The following SCMH1 variants were observed in gnomAD, a reference collection of about 807,000 sequenced individuals.
SCMH1 encodes the protein polycomb protein SCMH1.
Under a neutral mutation model 70.8 loss-of-function variants are expected in SCMH1, and 37 were observed. That is an observed-to-expected ratio of 0.52 (90% CI 0.40 to 0.69). SCMH1 has a LOEUF of 0.69. SCMH1 is among the 30% of genes least tolerant of loss of function. SCMH1 has a pLI of 0.00. For missense variants in SCMH1, 607 were observed against 827.3 expected, an observed-to-expected ratio of 0.73 and a Z score of 3.27; for synonymous variants, 292 against 307.4, an observed-to-expected ratio of 0.95 and a Z score of 0.52.
intron 1 of SCMH1, among the ~76,000 whole-genome samples, chr1:41,207,100 A>C (rs1655739257): frequency 6.6e-6 from 1 of 152,086 alleles, no homozygotes; most frequent in African/African-American, 2.4e-5. Context: ...CAAATTGTAA[A>C]GACCATCGAT....
At chr1:41,161,019 TAA>T (rs1279431964) in intron 3 of SCMH1, 121 bp from the exon 4 acceptor site, 1 of 1,045,486 alleles carries the variant, frequency 9.6e-7, no homozygotes, top group African/African-American at 1.6e-5. Flanking sequence ...TATCTCATCC[TAA>T]AAGACACTGA....
chr1:41,203,451 T>A (rs889281500), intron 1 of SCMH1, among the ~76,000 whole-genome samples: 5 of 152,168 alleles, frequency 3.3e-5, no homozygotes, highest in African/African-American at 4.8e-5. Flanking sequence ...AAATTAAACA[T>A]CTATTAAGTA....
chr1:41,178,828 A>G (rs2148578801), intron 2 of SCMH1, among the ~76,000 whole-genome samples: 1 of 152,330 alleles, frequency 6.6e-6, no homozygotes, highest in East Asian at 1.9e-4. Flanking sequence ...CAGATCAACA[A>G]GACAGAAAGT....
At chr1:41,141,659 A>G (rs213753) in intron 6 of SCMH1, among the ~76,000 whole-genome samples, 129,386 of 152,186 alleles carry the variant, frequency 0.85, 55,513 homozygotes, top group East Asian at 0.97. Context: ...ATAATTTTAG[A>G]AAATTTAAAA....
At chr1:41,076,258 T>C (rs1658257647) in intron 8 of SCMH1, among the ~76,000 whole-genome samples, 1 of 152,206 alleles carries the variant, frequency 6.6e-6, no homozygotes, top group African/African-American at 2.4e-5. Context: ...TATTGAGGAC[T>C]TCTCTGACCA....
intron 12 of SCMH1, among the ~76,000 whole-genome samples, chr1:41,040,846 G>A (rs977409453): frequency 5.9e-5 from 9 of 152,040 alleles, no homozygotes; most frequent in Middle Eastern, 3.4e-3. Context: ...CCTGGGCAAC[G>A]AGAGTGAAAG....
chr1:41,078,150 T>C (rs2885696), intron 8 of SCMH1, among the ~76,000 whole-genome samples: 21,099 of 151,818 alleles, frequency 0.14, 1,799 homozygotes, highest in Middle Eastern at 0.28. Context: ...CAAGAGCCAA[T>C]AGAAAGGATT....
chr1:41,104,663 A>G (rs1449601282), intron 8 of SCMH1, among the ~76,000 whole-genome samples: 1 of 152,222 alleles, frequency 6.6e-6, no homozygotes, highest in African/African-American at 2.4e-5. Context: ...ACATGCTCAT[A>G]TCTTTTCTGA....
At chr1:41,116,694 A>G (rs1262240804) in intron 7 of SCMH1, among the ~76,000 whole-genome samples, 1 of 152,212 alleles carries the variant, frequency 6.6e-6, no homozygotes, top group African/African-American at 2.4e-5. Flanking sequence ...AACAAGCCCG[A>G]CAGGTAAACA....
In SCMH1 at chr1:41,028,332, G is replaced by GAGGT. The variant is rs752849343; in HGVS notation, c.1822-17_1822-14dup. The GAGGT allele has an allele frequency of 6.2e-7, 1 of 1,603,554 alleles. No individual in the cohort carries two copies. Among genetic ancestry groups the GAGGT allele is most frequent in the Admixed American group, 1.7e-5 (1 of 59,938 alleles). On this transcript the variant is annotated splice_polypyrimidine_tract_variant and intron_variant, in intron 14 of 14. Transcript: ENST00000337495. ...TGCCATCGATCTCCTGGGGGGTGGG[G>GAGGT]AGGTGGGCAGAAGTGGAAGGGAGGC...
intron 13 of SCMH1, among the ~76,000 whole-genome samples, chr1:41,036,648 T>G (rs1418974490): frequency 6.6e-6 from 1 of 152,228 alleles, no homozygotes; most frequent in Non-Finnish European, 1.5e-5. Flanking sequence ...TGCCTCTAAT[T>G]AAACGCCCAT....
chr1:41,169,640 A>G (rs1646653631), intron 2 of SCMH1, among the ~76,000 whole-genome samples: 1 of 150,808 alleles, frequency 6.6e-6, no homozygotes, highest in African/African-American at 2.4e-5. Flanking sequence ...ATATTTGTCT[A>G]CCCCTTTAAT....
intron 12 of SCMH1, 23 bp from the exon 13 acceptor site, chr1:41,037,564 T>C (rs898567733): frequency 6.2e-7 from 1 of 1,607,920 alleles, no homozygotes; most frequent in African/African-American, 1.3e-5. Context: ...AAAACCAGAG[T>C]TAGAGCTTAG....
chr1:41,157,086 C>T (rs903285635), intron 4 of SCMH1, among the ~76,000 whole-genome samples: 1 of 151,282 alleles, frequency 6.6e-6, no homozygotes, highest in East Asian at 2.0e-4. Context: ...CCAGAGTAGC[C>T]GGGACTACAG....
intron 1 of SCMH1, among the ~76,000 whole-genome samples, chr1:41,213,312 A>C (rs182908743): frequency 4.6e-5 from 7 of 152,314 alleles, no homozygotes; most frequent in East Asian, 1.9e-4. Flanking sequence ...GCTTGTGGCT[A>C]TAATGTTTTT....
chr1:41,073,618 TCATCCATC>T (rs3831833), intron 9 of SCMH1, among the ~76,000 whole-genome samples: 3,041 of 148,728 alleles, frequency 0.02, 81 homozygotes, highest in African/African-American at 0.068. Context: ...ATCACTAAAA[TCATCCATC>T]CATCCATCCA....
At chr1:41,174,867 G>A (rs1647009153) in intron 2 of SCMH1, among the ~76,000 whole-genome samples, 1 of 152,220 alleles carries the variant, frequency 6.6e-6, no homozygotes, top group Non-Finnish European at 1.5e-5. Flanking sequence ...CAGGAGAAGA[G>A]TAAACATCAC....
At chr1:41,106,555 C>T (rs941147855) in intron 8 of SCMH1, among the ~76,000 whole-genome samples, 1 of 151,886 alleles carries the variant, frequency 6.6e-6, no homozygotes, top group Non-Finnish European at 1.5e-5. Context: ...CAGCCTAATA[C>T]AGTTCTCGAT....
chr1:41,107,939 TA>T (rs1668400011), intron 8 of SCMH1, among the ~76,000 whole-genome samples: 1 of 152,126 alleles, frequency 6.6e-6, no homozygotes, highest in Non-Finnish European at 1.5e-5. Context: ...ACTTTCCAAA[TA>T]AAAAAAGGAA....
Sources: gnomAD v4.1 joint callset for allele counts (sites outside exome capture counted in the v4.1 genomes callset) on GRCh38, gnomAD v4.1.1 for gene constraint, MANE v1.5 for transcripts, NCBI Gene and HGNC (gene_info 2026-07-23, HGNC 2026-07-21) for gene names.